The following CNTN5 variants were observed in gnomAD, a reference collection of about 807,000 sequenced individuals.
CNTN5 encodes contactin 5, also known as contactin-5.
A neutral mutation model predicts 129.1 loss-of-function variants in CNTN5; 77 were observed. The observed-to-expected ratio is 0.60, with a 90% CI of 0.50 to 0.72. CNTN5 has a LOEUF of 0.72. CNTN5 is among the 30% of genes least tolerant of loss of function. CNTN5 has a pLI of 0.00. For missense variants in CNTN5, 1,478 were observed against 1,328.8 expected, an observed-to-expected ratio of 1.11 and a Z score of -1.75; for synonymous variants, 509 against 465.6, an observed-to-expected ratio of 1.09 and a Z score of -1.20.
At chr11:100,238,530 T>A (rs11223366) in intron 16 of CNTN5, among the ~76,000 whole-genome samples, 142,015 of 142,192 alleles carry the variant, frequency 1, 70,919 homozygotes, top group Admixed American at 1. Flanking sequence ...GAGGAGGGGG[T>A]AGAAGAGGAG....
At chr11:100,250,790 C>T (rs1055660710) in intron 16 of CNTN5, among the ~76,000 whole-genome samples, 1 of 152,094 alleles carries the variant, frequency 6.6e-6, no homozygotes, top group Non-Finnish European at 1.5e-5. Context: ...ATTATGAAAG[C>T]AATATACCCT....
chr11:99,047,407 G>T (rs1206243249), intron 1 of CNTN5, among the ~76,000 whole-genome samples: 1 of 149,784 alleles, frequency 6.7e-6, no homozygotes, highest in Non-Finnish European at 1.5e-5. Context: ...CCAAAAAAGT[G>T]TATGTGTATG....
chr11:99,589,276 G>A (rs1372346048), intron 3 of CNTN5, among the ~76,000 whole-genome samples: 1 of 152,164 alleles, frequency 6.6e-6, no homozygotes, highest in Non-Finnish European at 1.5e-5. Context: ...AATTTCAGAG[G>A]AAATCACCAT....
chr11:99,977,947 C>T (rs1938095884), intron 8 of CNTN5, among the ~76,000 whole-genome samples: 1 of 152,144 alleles, frequency 6.6e-6, no homozygotes, highest in Admixed American at 6.5e-5. Flanking sequence ...GCAGTAATTT[C>T]ACTTTACTGT....
intron 3 of CNTN5, among the ~76,000 whole-genome samples, chr11:99,667,610 C>A (rs370244904): frequency 1.3e-5 from 2 of 152,098 alleles, no homozygotes; most frequent in South Asian, 4.1e-4. Flanking sequence ...TAATACCATG[C>A]ACTCATAAAA....
Position 100,264,829 on chromosome 11 carries a change from G to A in CNTN5, c.2165-6263G>A, listed in dbSNP as rs375855300. Among the ~76,000 whole-genome samples the A allele has an allele frequency of 2.0e-5, 3 of 152,150 alleles. No homozygotes were observed. In the East Asian group the frequency reaches 5.8e-4, roughly 29 times the overall value. ...CCACACTGTCTTCCCCAAGGGTCGA[G>A]CTAATTTACATTCCCACCAACAGTA... On this transcript the variant is annotated intron_variant, in intron 17 of 24. Coordinates refer to ENST00000524871, the MANE Select transcript of CNTN5 (RefSeq NM_014361.4).
At chr11:99,986,049 T>C (rs12292504) in intron 8 of CNTN5, among the ~76,000 whole-genome samples, 9,793 of 152,276 alleles carry the variant, frequency 0.064, 537 homozygotes, top group African/African-American at 0.13. Context: ...CAAATAATTA[T>C]GTTTACTACT....
chr11:99,638,356 G>A (rs1011005779), intron 3 of CNTN5, among the ~76,000 whole-genome samples: 1 of 152,200 alleles, frequency 6.6e-6, no homozygotes, highest in African/African-American at 2.4e-5. Context: ...AGATTTGAAT[G>A]GGGACACAGC....
In CNTN5 at chr11:99,355,829, T is replaced by TTG. The variant is rs1302375997; in HGVS notation, c.-71+30346_-71+30347insGT. ...TGTCATGGTTTTTTTTTGTTTTTTT[T>TTG]TTTTTTGTTTTTTTTGAGACGGAAT... On this transcript the variant is annotated intron_variant, in intron 2 of 24. Transcript: ENST00000524871. Among the ~76,000 whole-genome samples the TTG allele has an allele frequency of 1.4e-4, 21 of 150,132 alleles. No individual in the cohort carries two copies. The South Asian group carries it at 3.4e-3, about 24-fold the overall frequency.
chr11:99,165,852 T>G (rs1012345468), intron 1 of CNTN5, among the ~76,000 whole-genome samples: 8 of 152,164 alleles, frequency 5.3e-5, no homozygotes, highest in African/African-American at 1.9e-4. Context: ...ACTGACCAGC[T>G]ATCATTAGAA....
At chr11:99,996,911 C>A (rs1730180891) in intron 8 of CNTN5, among the ~76,000 whole-genome samples, 1 of 152,100 alleles carries the variant, frequency 6.6e-6, no homozygotes, top group African/African-American at 2.4e-5. Context: ...CAGTCATCTT[C>A]CACCAGGTCC....
At chr11:99,552,999 T>A (rs1301088835) in intron 2 of CNTN5, among the ~76,000 whole-genome samples, 1 of 152,202 alleles carries the variant, frequency 6.6e-6, no homozygotes, top group South Asian at 2.1e-4. Flanking sequence ...GCAGTCAACC[T>A]CACAATGCAC....
chr11:99,999,029 G>A (rs926274460), intron 8 of CNTN5, among the ~76,000 whole-genome samples: 5 of 152,162 alleles, frequency 3.3e-5, no homozygotes, highest in Admixed American at 2.0e-4. Context: ...ATACTTAAAC[G>A]TTAGACCTAA....
At chr11:100,247,575 G>A (rs1214731789) in intron 16 of CNTN5, among the ~76,000 whole-genome samples, 2 of 152,096 alleles carry the variant, frequency 1.3e-5, no homozygotes, top group Non-Finnish European at 2.9e-5. Context: ...CCAATCCCAC[G>A]TGAAGTTGAA....
intron 17 of CNTN5, among the ~76,000 whole-genome samples, chr11:100,267,707 T>C (rs1162259621): frequency 6.6e-6 from 1 of 152,084 alleles, no homozygotes; most frequent in Non-Finnish European, 1.5e-5. Context: ...TTTTGAGAGA[T>C]ATTGGCAAGA....
intron 1 of CNTN5, among the ~76,000 whole-genome samples, chr11:99,034,463 T>G (rs1245680145): frequency 2.0e-5 from 3 of 151,748 alleles, no homozygotes; most frequent in Admixed American, 6.6e-5. Context: ...TATTGGTCTA[T>G]TCAGAGATTC....
At chr11:100,332,270 C>G (rs968324586) in intron 21 of CNTN5, among the ~76,000 whole-genome samples, 1 of 152,074 alleles carries the variant, frequency 6.6e-6, no homozygotes. Flanking sequence ...ATGCAACCCT[C>G]CTAGAGTAAA....
chr11:100,330,020 T>C (rs1310610354), intron 21 of CNTN5, among the ~76,000 whole-genome samples: 1 of 152,068 alleles, frequency 6.6e-6, no homozygotes, highest in Non-Finnish European at 1.5e-5. Context: ...GGTCAATTAC[T>C]AAGACAATCA....
intron 1 of CNTN5, among the ~76,000 whole-genome samples, chr11:99,302,473 A>C (rs1864686379): frequency 6.6e-6 from 1 of 151,806 alleles, no homozygotes; most frequent in Non-Finnish European, 1.5e-5. Flanking sequence ...TAGAGGAAGA[A>C]ATGGAAAGTG....
Sources: allele counts gnomAD v4.1 joint callset (sites outside exome capture counted in the v4.1 genomes callset), GRCh38; gene constraint gnomAD v4.1.1; transcripts MANE v1.5; gene names NCBI Gene and HGNC (gene_info 2026-07-23, HGNC 2026-07-21).